PPFIA2: variants seen among roughly 807,000 people sequenced by gnomAD.
PPFIA2 encodes PPFI scaffold protein A2.
In PPFIA2, 46 loss-of-function variants were observed where a neutral mutation model predicts 175.5. The ratio of observed to expected loss-of-function variants is 0.26; its 90% CI spans 0.21 to 0.34. The LOEUF (loss-of-function observed/expected upper bound fraction) is 0.34. Among genes scored for constraint, PPFIA2 ranks in the 10% least tolerant of loss-of-function variants. PPFIA2 has a pLI of 1.00. For synonymous variants in PPFIA2, 568 were observed against 511.4 expected (o/e 1.11, Z -1.49); for missense variants, 1,179 against 1,506.1 (o/e 0.78, Z 3.60).
intron 3 of PPFIA2, among the ~76,000 whole-genome samples, chr12:81,736,868 C>T (rs1388469322): frequency 1.3e-5 from 2 of 151,824 alleles, no homozygotes; most frequent in Non-Finnish European, 2.9e-5. Flanking sequence ...TCTGCCTCCC[C>T]AGCAGCTGGG....
intron 14 of PPFIA2, 34 bp from the exon 15 acceptor site, chr12:81,362,818 G>T: frequency 1.6e-6 from 2 of 1,278,972 alleles, no homozygotes; most frequent in Non-Finnish European, 2.2e-6. Context: ...TCAGATGCCA[G>T]TAATATCAGC....
rs201544651 is a variant in PPFIA2 at position 81,648,412 on chromosome 12, T to TA, written c.303+28378dup. On this transcript the variant is annotated intron_variant, in intron 4 of 32. Transcript: ENST00000549396. The stretch of plus-strand genomic sequence containing the variant: ...AAGATTGCATGATACAAAGTTAATA[T>TA]AAAAAATCAATAGTAAGTTGATACA... Among the ~76,000 whole-genome samples the TA allele has an allele frequency of 5.4e-3, 815 of 151,852 alleles. 3 individuals are homozygous for TA. The highest frequency in any genetic ancestry group is 0.012 in the Admixed American group (177 of 15,246).
At chr12:81,617,739 T>C (rs1231096412) in intron 4 of PPFIA2, among the ~76,000 whole-genome samples, 1 of 152,214 alleles carries the variant, frequency 6.6e-6, no homozygotes, top group Admixed American at 6.5e-5. Flanking sequence ...TCACAAAGCA[T>C]AATGTCATTG....
rs1300277402 is a variant in PPFIA2 at position 81,367,742 on chromosome 12, G to C, written c.1483-572C>G. On this transcript the variant is annotated intron_variant, in intron 13 of 32. Transcript: ENST00000549396. ...TCAGTGGAAATAAGTTGGCATCATA[G>C]ATACTTAAAATAAACCTTGCCAGAA... Among the ~76,000 whole-genome samples the C allele has an allele frequency of 2.6e-5, 4 of 151,480 alleles. No homozygotes were observed. In the Admixed American group the frequency reaches 2.6e-4, roughly 10 times the overall value.
chr12:81,581,143 A>T (rs975843115), intron 4 of PPFIA2, among the ~76,000 whole-genome samples: 1 of 118,366 alleles, frequency 8.4e-6, no homozygotes, highest in South Asian at 2.9e-4. Flanking sequence ...CAGATGTCAT[A>T]GACACTTTTT....
At chr12:81,418,686 T>A (rs2045741914) in intron 7 of PPFIA2, among the ~76,000 whole-genome samples, 1 of 151,932 alleles carries the variant, frequency 6.6e-6, no homozygotes, top group South Asian at 2.1e-4. Flanking sequence ...GGTCTAGTGG[T>A]TCTTGTCTAT....
intron 4 of PPFIA2, among the ~76,000 whole-genome samples, chr12:81,479,738 G>T (rs936928937): frequency 6.6e-6 from 1 of 152,154 alleles, no homozygotes; most frequent in Non-Finnish European, 1.5e-5. Context: ...CTTTAAGAAT[G>T]TTGAATATTG....
intron 8 of PPFIA2, among the ~76,000 whole-genome samples, chr12:81,402,500 G>A (rs1412393471): frequency 6.6e-6 from 1 of 152,002 alleles, no homozygotes; most frequent in Non-Finnish European, 1.5e-5. Flanking sequence ...ATTTATATAA[G>A]GACAATGAAA....
intron 4 of PPFIA2, among the ~76,000 whole-genome samples, chr12:81,599,057 C>G (rs1024892725): frequency 1.3e-5 from 2 of 151,806 alleles, no homozygotes; most frequent in Non-Finnish European, 1.5e-5. Flanking sequence ...AAAATATGTT[C>G]TTTTTGTATA....
chr12:81,367,045 A>AT, intron 14 of PPFIA2, 63 bp downstream of exon 14: 1 of 1,392,694 alleles, frequency 7.2e-7, no homozygotes, highest in South Asian at 1.5e-5. Context: ...ACAACAAAAC[A>AT]TTCATCAGTG....
intron 4 of PPFIA2, among the ~76,000 whole-genome samples, chr12:81,557,340 C>T (rs1215730825): frequency 6.6e-6 from 1 of 151,704 alleles, no homozygotes; most frequent in Non-Finnish European, 1.5e-5. Context: ...GGGACAAGAT[C>T]TTTTATTCAT....
chr12:81,358,005 TCA>T (rs1204107732), intron 16 of PPFIA2, 75 bp downstream of exon 16: 7 of 1,294,276 alleles, frequency 5.4e-6, no homozygotes, highest in Non-Finnish European at 1.0e-6. Flanking sequence ...TCTAATTATC[TCA>T]GTGTTAAAAT....
In PPFIA2 at chr12:81,384,250, G is replaced by A; in HGVS notation, c.763-6C>T. 1 of 1,461,262 alleles carries A rather than the reference G, an allele frequency of 6.8e-7. No individual in the cohort carries two copies. The highest frequency in any genetic ancestry group is 2.5e-5 in the East Asian group (1 of 39,740). 90.5% of individuals were successfully genotyped at this position (1,461,262 alleles called of 1,614,324 possible). ...ATAGAACCATTGGACAAACGCTGCA[G>A]AAATAGAAAAAGAAATGGCACTTAA... is the stretch of plus-strand genomic sequence containing the variant. On this transcript the variant is annotated splice_polypyrimidine_tract_variant and splice_region_variant and intron_variant, in intron 8 of 32. Coordinates refer to ENST00000549396, the MANE Select transcript of PPFIA2 (RefSeq NM_003625.5).
intron 8 of PPFIA2, among the ~76,000 whole-genome samples, chr12:81,384,982 T>C (rs1156877418): frequency 1.3e-5 from 2 of 151,966 alleles, no homozygotes; most frequent in Non-Finnish European, 2.9e-5. Context: ...AAGTCCGAAA[T>C]ATATAAACAA....
chr12:81,490,622 T>C (rs1348119068), intron 4 of PPFIA2, among the ~76,000 whole-genome samples: 1 of 151,936 alleles, frequency 6.6e-6, no homozygotes, highest in Non-Finnish European at 1.5e-5. Flanking sequence ...TAAGCAGCCT[T>C]GACTGCAGGA....
chr12:81,450,237 C>T (rs1045740686), intron 5 of PPFIA2, among the ~76,000 whole-genome samples: 1 of 152,202 alleles, frequency 6.6e-6, no homozygotes, highest in Non-Finnish European at 1.5e-5. Context: ...AACGGTTGAA[C>T]TAGTTTACAG....
chr12:81,681,516 G>A (rs1331676075), intron 3 of PPFIA2, among the ~76,000 whole-genome samples: 1 of 151,960 alleles, frequency 6.6e-6, no homozygotes, highest in Non-Finnish European at 1.5e-5. Context: ...TCTCAGACTT[G>A]AGGAGTCTAC....
intron 4 of PPFIA2, among the ~76,000 whole-genome samples, chr12:81,516,106 G>T (rs899273312): frequency 1.3e-5 from 2 of 152,050 alleles, no homozygotes; most frequent in African/African-American, 4.8e-5. Flanking sequence ...GGGAAGAGTA[G>T]AAGAGTGGAA....
chr12:81,716,910 C>T (rs1046263021), intron 3 of PPFIA2, among the ~76,000 whole-genome samples: 7 of 150,346 alleles, frequency 4.7e-5, no homozygotes, highest in Non-Finnish European at 7.4e-5. Flanking sequence ...AAGTTCCCAC[C>T]AGGAAAGAAA....
Sources: allele counts gnomAD v4.1 joint callset (sites outside exome capture counted in the v4.1 genomes callset), GRCh38; gene constraint gnomAD v4.1.1; transcripts MANE v1.5; gene names NCBI Gene and HGNC (gene_info 2026-07-23, HGNC 2026-07-21).